The following CACNA1C variants were observed in gnomAD, a reference collection of about 807,000 sequenced individuals.
CACNA1C encodes the protein calcium voltage-gated channel subunit alpha1 C.
A neutral mutation model predicts 229.0 loss-of-function variants in CACNA1C; 30 were observed. The observed-to-expected ratio is 0.13, with a 90% confidence interval of 0.10 to 0.18. CACNA1C has a LOEUF of 0.18. Among genes scored for constraint, CACNA1C ranks in the 10% least tolerant of loss-of-function variants. CACNA1C has a pLI of 1.00. For synonymous variants in CACNA1C, 1,114 were observed against 1,132.5 expected (o/e 0.98, Z 0.33); for missense variants, 1,658 against 2,845.0 (o/e 0.58, Z 9.49).
chr12:2,136,175 A>G (rs1314881555), intron 3 of CACNA1C, among the ~76,000 whole-genome samples: 2 of 151,120 alleles, frequency 1.3e-5, no homozygotes, highest in Non-Finnish European at 3.0e-5. Context: ...TCGCGCACCC[A>G]CTGGCCTGCG....
chr12:2,440,987 G>A (rs1040193077), intron 3 of CACNA1C, among the ~76,000 whole-genome samples: 1 of 152,242 alleles, frequency 6.6e-6, no homozygotes, highest in Non-Finnish European at 1.5e-5. Context: ...CTCTCAGACA[G>A]AGAATAGGCA....
chr12:2,107,275 G>T (rs1417046406), intron 1 of CACNA1C, among the ~76,000 whole-genome samples: 2 of 143,368 alleles, frequency 1.4e-5, no homozygotes, highest in East Asian at 4.4e-4. Flanking sequence ...TTCCACCTCA[G>T]CTGGGCGTCC....
chr12:2,614,009 T>C (rs2079158914), intron 29 of CACNA1C: 1 of 152,240 alleles, frequency 6.6e-6, no homozygotes, highest in Non-Finnish European at 1.5e-5. Context: ...CAGTGGACTT[T>C]CTGAATCATG....
intron 1 of CACNA1C, among the ~76,000 whole-genome samples, chr12:2,041,948 G>A (rs2050191070): frequency 6.6e-6 from 1 of 152,174 alleles, no homozygotes; most frequent in African/African-American, 2.4e-5. Context: ...GCCTCATCAT[G>A]CGTTTTCAAG....
intron 38 of CACNA1C, among the ~76,000 whole-genome samples, chr12:2,670,327 G>C (rs774199528): frequency 1.3e-5 from 2 of 152,150 alleles, no homozygotes; most frequent in Non-Finnish European, 1.5e-5. Context: ...TCGAATCCGA[G>C]TCCCTGCTCT....
intron 3 of CACNA1C, among the ~76,000 whole-genome samples, chr12:2,237,210 T>C (rs1473941267): frequency 6.6e-6 from 1 of 152,192 alleles, no homozygotes; most frequent in Non-Finnish European, 1.5e-5. Flanking sequence ...ATTTTCTGGG[T>C]CAATTTTAAA....
At chr12:2,628,770 C>T (rs1415649901) in intron 29 of CACNA1C, among the ~76,000 whole-genome samples, 1 of 151,936 alleles carries the variant, frequency 6.6e-6, no homozygotes, top group African/African-American at 2.4e-5. Context: ...ATTAGAGGGG[C>T]GTAGTACTTG....
intron 1 of CACNA1C, among the ~76,000 whole-genome samples, chr12:2,069,039 A>G (rs572864104): frequency 4.8e-4 from 73 of 152,326 alleles, no homozygotes; most frequent in Non-Finnish European, 8.1e-4. Flanking sequence ...CTTGGCTTTA[A>G]TAAAATGAAG....
intron 3 of CACNA1C, among the ~76,000 whole-genome samples, chr12:2,224,782 A>C (rs2062474243): frequency 6.6e-6 from 1 of 152,210 alleles, no homozygotes; most frequent in African/African-American, 2.4e-5. Context: ...GGGAGGCCTC[A>C]TGTAAGTACT....
intron 7 of CACNA1C, among the ~76,000 whole-genome samples, chr12:2,499,730 G>C (rs1258819645): frequency 6.6e-6 from 1 of 152,090 alleles, no homozygotes; most frequent in Non-Finnish European, 1.5e-5. Context: ...GGAGACCTGA[G>C]GAACACGGCT....
At chr12:2,557,428 G>T (rs1478900136) in intron 11 of CACNA1C, among the ~76,000 whole-genome samples, 1 of 152,160 alleles carries the variant, frequency 6.6e-6, no homozygotes, top group Non-Finnish European at 1.5e-5. Flanking sequence ...CCTACAAAAG[G>T]ATCCAGGGTC....
chr12:2,572,744 TCTC>T (rs1317056614), intron 13 of CACNA1C, among the ~76,000 whole-genome samples: 2 of 97,254 alleles, frequency 2.1e-5, no homozygotes, highest in Admixed American at 2.2e-4. Context: ...TCCTGCTCCT[TCTC>T]CTCTTCCTCC....
chr12:2,229,753 G>C (rs2064176310), intron 3 of CACNA1C, among the ~76,000 whole-genome samples: 1 of 152,228 alleles, frequency 6.6e-6, no homozygotes, highest in African/African-American at 2.4e-5. Context: ...GACACTGACA[G>C]ACGAACGGCC....
chr12:2,055,018 T>G (rs1018382963), intron 1 of CACNA1C, among the ~76,000 whole-genome samples: 2 of 152,238 alleles, frequency 1.3e-5, no homozygotes, highest in African/African-American at 4.8e-5. Flanking sequence ...AAACCGATTT[T>G]GGGGCCAGTC....
intron 1 of CACNA1C, among the ~76,000 whole-genome samples, chr12:2,035,155 C>T (rs1270554686): frequency 3.3e-5 from 5 of 152,170 alleles, no homozygotes; most frequent in African/African-American, 9.7e-5. Context: ...GTGCCCGGGC[C>T]CTCCGCGGGG....
intron 21 of CACNA1C, among the ~76,000 whole-genome samples, chr12:2,598,310 A>G (rs1270860938): frequency 6.6e-6 from 1 of 152,170 alleles, no homozygotes; most frequent in Non-Finnish European, 1.5e-5. Context: ...CAACATTGCT[A>G]CCCTCAGAAC....
At chr12:2,221,464 C>G (rs796463291) in intron 3 of CACNA1C, among the ~76,000 whole-genome samples, 9 of 152,206 alleles carry the variant, frequency 5.9e-5, no homozygotes, top group African/African-American at 2.2e-4. Context: ...GGCAGAGTTG[C>G]CAGGGCCTGC....
chr12:2,504,907 AT>A lies in CACNA1C; in HGVS notation c.1185del (p.Phe395LeufsTer36). 1 of 1,605,560 alleles carries A rather than the reference AT, an allele frequency of 6.2e-7. No homozygotes were observed. The highest frequency in any genetic ancestry group is 8.5e-7 in the Non-Finnish European group (1 of 1,173,360). On this transcript the variant is annotated frameshift_variant, in exon 8 of 47. Coordinates refer to ENST00000399655, the MANE Select transcript of CACNA1C (RefSeq NM_000719.7). LOFTEE classifies it high-confidence loss of function. The surrounding 1 kb of genome is among the most constrained non-coding windows in gnomAD (Gnocchi z 6.8). ...YFVTLIIIGS[F>X]FVLNLVLGVL... ...TTGTTACACTAATCATCATAGGGTC[AT>A]TTTTTGTACTTAACTTGGTTCTCGG...
intron 3 of CACNA1C, among the ~76,000 whole-genome samples, chr12:2,431,216 G>A (rs1009629224): frequency 6.6e-6 from 1 of 152,206 alleles, no homozygotes; most frequent in African/African-American, 2.4e-5. Flanking sequence ...CAGGTCTGGA[G>A]TGGGGGCCAG....
Sources: allele counts gnomAD v4.1 joint callset (sites outside exome capture counted in the v4.1 genomes callset), GRCh38; gene constraint gnomAD v4.1.1; non-coding constraint Gnocchi (gnomAD v3.1); transcripts MANE v1.5; gene names NCBI Gene and HGNC (gene_info 2026-07-23, HGNC 2026-07-21).